Variants in CNTNAP2 observed in about 807,000 individuals in gnomAD.
The protein encoded by CNTNAP2 is contactin-associated protein-like 2.
In CNTNAP2, 98 loss-of-function variants were observed where a neutral mutation model predicts 155.2. The ratio of observed to expected loss-of-function variants is 0.63; its 90% CI spans 0.54 to 0.75. The LOEUF (loss-of-function observed/expected upper bound fraction) is 0.75, where lower values mean the gene tolerates loss of function less well. CNTNAP2 is among the 30% of genes least tolerant of loss of function. The probability of loss-of-function intolerance (pLI) is 0.00; values close to 1 mark genes in which losing one functional copy is unlikely to be tolerated. For synonymous variants in CNTNAP2, 651 were observed against 631.2 expected (o/e 1.03, Z -0.47); for missense variants, 1,727 against 1,688.1 (o/e 1.02, Z -0.40).
chr7:147,182,586 A>G (rs990586679), intron 8 of CNTNAP2, among the ~76,000 whole-genome samples: 2 of 151,876 alleles, frequency 1.3e-5, no homozygotes, highest in African/African-American at 4.8e-5. Flanking sequence ...ACTAAACTCT[A>G]CTCATTGCCT....
At chr7:147,327,578 C>T (rs999762544) in intron 9 of CNTNAP2, among the ~76,000 whole-genome samples, 1 of 152,034 alleles carries the variant, frequency 6.6e-6, no homozygotes, top group Non-Finnish European at 1.5e-5. Flanking sequence ...ATTTTAGAAA[C>T]CTCTAAAATG....
At chr7:148,052,283 T>C (rs1360316054) in intron 15 of CNTNAP2, among the ~76,000 whole-genome samples, 1 of 151,266 alleles carries the variant, frequency 6.6e-6, no homozygotes, top group Non-Finnish European at 1.5e-5. Context: ...TTGCAATACA[T>C]TGATATAAAA....
intron 1 of CNTNAP2, among the ~76,000 whole-genome samples, chr7:146,487,809 A>G (rs896368462): frequency 6.6e-6 from 1 of 152,250 alleles, no homozygotes; most frequent in Non-Finnish European, 1.5e-5. Flanking sequence ...AAATAAGGAA[A>G]AGCAGGCAAG....
intron 1 of CNTNAP2, among the ~76,000 whole-genome samples, chr7:146,769,100 T>C (rs1802249389): frequency 6.6e-6 from 1 of 152,188 alleles, no homozygotes; most frequent in Non-Finnish European, 1.5e-5. Flanking sequence ...TTGACTGAAA[T>C]TGTGTGAAAA....
rs184752088 is a variant in CNTNAP2 at position 146,208,011 on chromosome 7, A to G, written c.97+91038A>G. 7.9e-5 allele frequency among the ~76,000 whole-genome samples: 12 copies of G among 152,188 alleles called. No homozygotes were observed. In the East Asian group the frequency reaches 2.3e-3, roughly 29 times the overall value. On this transcript the variant is annotated intron_variant, in intron 1 of 23. Coordinates refer to ENST00000361727, the MANE Select transcript of CNTNAP2 (RefSeq NM_014141.6). ...TACCATTAAGAAATGAAATAGAAAC[A>G]AAAAGCTGTTGTAATGTAGAAACAG...
At chr7:147,056,010 A>T (rs1270081349) in intron 4 of CNTNAP2, among the ~76,000 whole-genome samples, 7 of 152,204 alleles carry the variant, frequency 4.6e-5, no homozygotes. Context: ...ACAATTATTA[A>T]TAATCTTTGG....
At chr7:147,451,130 C>A (rs552807555) in intron 10 of CNTNAP2, among the ~76,000 whole-genome samples, 1 of 152,130 alleles carries the variant, frequency 6.6e-6, no homozygotes, top group Non-Finnish European at 1.5e-5. Context: ...ATATACGGGT[C>A]CTTTGTTGAG....
intron 1 of CNTNAP2, among the ~76,000 whole-genome samples, chr7:146,457,481 A>AATATAT (rs200909725): frequency 1.5e-4 from 13 of 87,264 alleles, no homozygotes; most frequent in African/African-American, 2.1e-4. Flanking sequence ...TTCAAAAATG[A>AATATAT]ATATATATAT....
intron 14 of CNTNAP2, among the ~76,000 whole-genome samples, chr7:147,937,781 T>A (rs1800639516): frequency 6.6e-6 from 1 of 152,206 alleles, no homozygotes. Flanking sequence ...TATTAATGAC[T>A]TCCTAGATTT....
chr7:147,291,344 C>T (rs927515635), intron 8 of CNTNAP2, among the ~76,000 whole-genome samples: 13 of 151,992 alleles, frequency 8.6e-5, no homozygotes, highest in African/African-American at 3.1e-4. Flanking sequence ...CAACAGGCCC[C>T]GGTGTGTGAT....
chr7:147,374,991 G>A (rs1796410925), intron 9 of CNTNAP2, among the ~76,000 whole-genome samples: 1 of 152,086 alleles, frequency 6.6e-6, no homozygotes, highest in African/African-American at 2.4e-5. Flanking sequence ...CATGGGGGCA[G>A]TTTCCCCGAT....
chr7:148,403,592 A>G, intron 22 of CNTNAP2, among the ~76,000 whole-genome samples: 1 of 152,194 alleles, frequency 6.6e-6, no homozygotes, highest in East Asian at 1.9e-4. Context: ...CTCTCCCAGC[A>G]AGCTGGGTGA....
intron 3 of CNTNAP2, among the ~76,000 whole-genome samples, chr7:146,891,836 G>T (rs569877294): frequency 1.3e-5 from 2 of 152,252 alleles, no homozygotes; most frequent in African/African-American, 4.8e-5. Flanking sequence ...GTTGGCACAA[G>T]AAATGGTATC....
At chr7:147,659,849 T>C (rs1314498607) in intron 13 of CNTNAP2, among the ~76,000 whole-genome samples, 2 of 150,798 alleles carry the variant, frequency 1.3e-5, no homozygotes, top group African/African-American at 5.0e-5. Context: ...CCCTAAGAGA[T>C]TGTTTTGAAA....
chr7:147,735,019 C>T (rs968778100), intron 13 of CNTNAP2, among the ~76,000 whole-genome samples: 1 of 150,400 alleles, frequency 6.6e-6, no homozygotes, highest in African/African-American at 2.4e-5. Flanking sequence ...GTCTTTGTCT[C>T]TTCCAGTTCT....
At chr7:148,121,705 C>T (rs1344181730) in intron 16 of CNTNAP2, among the ~76,000 whole-genome samples, 3 of 152,054 alleles carry the variant, frequency 2.0e-5, no homozygotes, top group Non-Finnish European at 2.9e-5. Flanking sequence ...GGAAGATTCT[C>T]GACTCAGAAA....
intron 1 of CNTNAP2, among the ~76,000 whole-genome samples, chr7:146,459,548 G>A (rs1482328784): frequency 1.3e-5 from 2 of 152,166 alleles, no homozygotes; most frequent in East Asian, 3.9e-4. Context: ...AGCCTATAAA[G>A]TGCATGGAGT....
intron 16 of CNTNAP2, among the ~76,000 whole-genome samples, chr7:148,141,312 CAT>C (rs1240246155): frequency 3.9e-5 from 6 of 152,226 alleles, no homozygotes; most frequent in African/African-American, 9.6e-5. Flanking sequence ...CCTCAAACAT[CAT>C]ATGTTTGAAA....
At chr7:147,063,546 G>T (rs1799723192) in intron 4 of CNTNAP2, among the ~76,000 whole-genome samples, 1 of 151,994 alleles carries the variant, frequency 6.6e-6, no homozygotes, top group African/African-American at 2.4e-5. Context: ...TATGCCCAGT[G>T]GAACTATGAA....
Sources: gnomAD v4.1 joint callset for allele counts (sites outside exome capture counted in the v4.1 genomes callset) on GRCh38, gnomAD v4.1.1 for gene constraint, MANE v1.5 for transcripts, NCBI Gene and HGNC (gene_info 2026-07-23, HGNC 2026-07-21) for gene names.